Variants in PCDHA1 observed in about 807,000 individuals in gnomAD.
The protein encoded by PCDHA1 is protocadherin alpha 1.
PCDHA1 carries 42 observed loss-of-function variants against 61.3 expected under a neutral mutation model. That is an observed-to-expected ratio of 0.69 (90% CI 0.54 to 0.89). PCDHA1 has a LOEUF of 0.89. Ranked by LOEUF, PCDHA1 falls within the 40% of genes least tolerant of loss-of-function variation. The pLI is 0.00. For synonymous variants in PCDHA1, 610 were observed against 553.8 expected (o/e 1.10, Z -1.43); for missense variants, 1,256 against 1,235.3 (o/e 1.02, Z -0.25).
intron 1 of PCDHA1, among the ~76,000 whole-genome samples, chr5:140,962,643 T>G (rs1456773642): frequency 6.6e-6 from 1 of 152,222 alleles, no homozygotes; most frequent in Non-Finnish European, 1.5e-5. Context: ...GCCATCAAGT[T>G]ATGTGAAAAC....
intron 1 of PCDHA1, among the ~76,000 whole-genome samples, chr5:140,949,264 G>A (rs139292588): frequency 4.5e-4 from 69 of 151,784 alleles, no homozygotes; most frequent in Admixed American, 2.4e-3. Flanking sequence ...AACATATCAC[G>A]TGCACTTGAA....
intron 1 of PCDHA1, chr5:140,835,612 A>C (rs1226937699): frequency 1.9e-6 from 3 of 1,613,770 alleles, no homozygotes; most frequent in Non-Finnish European, 1.7e-6. Context: ...TTGGTGCTGG[A>C]CAGCGCTCTG....
At chr5:140,938,187 C>A (rs1584944424) in intron 1 of PCDHA1, among the ~76,000 whole-genome samples, 1 of 152,276 alleles carries the variant, frequency 6.6e-6, no homozygotes, top group Non-Finnish European at 1.5e-5. Context: ...CTCAAGCAAT[C>A]CTCCCACGCC....
intron 1 of PCDHA1, chr5:140,857,896 T>G: frequency 6.3e-7 from 1 of 1,597,704 alleles, no homozygotes; most frequent in Admixed American, 1.7e-5. Flanking sequence ...CGGCGGTTGG[T>G]GCACGCATCC....
chr5:140,973,549 A>G (rs1040107774), intron 1 of PCDHA1, among the ~76,000 whole-genome samples: 2 of 152,230 alleles, frequency 1.3e-5, no homozygotes, highest in Non-Finnish European at 2.9e-5. Context: ...ATTTATTTCA[A>G]TTACCTCTTT....
chr5:140,858,914 A>C, intron 1 of PCDHA1: 1 of 181,616 alleles, frequency 5.5e-6, no homozygotes, highest in Non-Finnish European at 1.1e-5. Flanking sequence ...CACAGCTTAT[A>C]CTGCCATAGT....
At chr5:140,846,436 G>A (rs191314082) in intron 1 of PCDHA1, among the ~76,000 whole-genome samples, 18 of 131,380 alleles carry the variant, frequency 1.4e-4, no homozygotes, top group African/African-American at 3.7e-4. Flanking sequence ...ATGCAGTGGC[G>A]CAATCTCGGC....
chr5:140,999,975 A>G (rs952038024), intron 3 of PCDHA1, among the ~76,000 whole-genome samples: 3 of 152,078 alleles, frequency 2.0e-5, no homozygotes, highest in African/African-American at 7.2e-5. Context: ...TAGCAGCTCT[A>G]GCGGCCTCTG....
intron 1 of PCDHA1, among the ~76,000 whole-genome samples, chr5:140,960,408 A>C (rs1006586468): frequency 6.6e-6 from 1 of 152,206 alleles, no homozygotes; most frequent in Admixed American, 6.5e-5. Flanking sequence ...GGGGGTGCCC[A>C]AAAAGTCAAC....
chr5:140,797,343 C>T (rs1554120412), intron 1 of PCDHA1: 2 of 1,613,872 alleles, frequency 1.2e-6, no homozygotes, highest in South Asian at 1.1e-5. Context: ...AATCAGAATA[C>T]GTAGGAAAGG....
chr5:140,859,385 G>C (rs1252027820), intron 1 of PCDHA1: 2 of 270,486 alleles, frequency 7.4e-6, no homozygotes, highest in African/African-American at 4.6e-5. Flanking sequence ...AGCTTCTCTA[G>C]TCATCTTAAA....
chr5:140,877,590 G>A (rs996962116), intron 1 of PCDHA1: 20 of 1,613,708 alleles, frequency 1.2e-5, no homozygotes, highest in Admixed American at 1.7e-5. Flanking sequence ...CCATCTGTGC[G>A]GTGTCCAGCC....
chr5:140,928,000 G>C, intron 1 of PCDHA1: 1 of 1,614,166 alleles, frequency 6.2e-7, no homozygotes. Flanking sequence ...TGAAGACCTC[G>C]ATTCTAATGG....
intron 1 of PCDHA1, chr5:140,851,289 A>G (rs987859417): frequency 9.6e-7 from 1 of 1,037,038 alleles, no homozygotes; most frequent in South Asian, 4.4e-5. Flanking sequence ...AAGAAACCCA[A>G]GCAAAAATAT....
At chr5:140,834,361 G>C in intron 1 of PCDHA1, 1 of 1,551,090 alleles carries the variant, frequency 6.4e-7, no homozygotes, top group Non-Finnish European at 8.7e-7. Context: ...TTGCTGACTA[G>C]AAAAACAAGC....
At chr5:140,822,534 T>C (rs2150117075) in intron 1 of PCDHA1, 3 of 1,613,922 alleles carry the variant, frequency 1.9e-6, no homozygotes, top group East Asian at 2.2e-5. Context: ...TGTTGGAAAA[T>C]GCACCAAGTG....
At position 140,822,748 on chromosome 5, in the gene PCDHA1, A is replaced by G. The variant is rs2150119092; in HGVS notation, c.2394+34064A>G. The G allele has an allele frequency of 7.4e-6, 12 of 1,613,850 alleles. No individual in the cohort carries two copies. The Admixed American group carries it at 2.0e-4, about 27-fold the overall frequency. ...AATTAATATTGATGCCATGGATAAAAGTACATTCCCATTATCAGGACACTG... is the reference window on the plus strand; with the variant it reads ...AATTAATATTGATGCCATGGATAAAGGTACATTCCCATTATCAGGACACTG... On this transcript the variant is annotated intron_variant, in intron 1 of 3. Coordinates refer to ENST00000504120, the MANE Select transcript of PCDHA1 (RefSeq NM_018900.4).
chr5:140,786,615 A>C lies in PCDHA1; in HGVS notation c.325A>C (p.Ile109Leu). ...GGAGTGCAGCATCCACCTGGAGTTG[A>C]TCGCCGACAGGCCGCTGCAGGTTTT... ...SAECSIHLEL[I>L]ADRPLQVFHV... The change falls in exon 1 of 4, where the codon ATC becomes CTC. Residue 109 changes from isoleucine to leucine, a missense_variant. By Grantham distance (5) the Ile-to-Leu change is conservative. Transcript: ENST00000504120. 1.9e-6 allele frequency: 3 copies of C among 1,614,258 alleles called. No homozygotes were observed. Among genetic ancestry groups the C allele is most frequent in the Non-Finnish European group, 1.7e-6 (2 of 1,180,042 alleles).
chr5:140,823,807 T>A (rs1767879347), intron 1 of PCDHA1: 2 of 1,613,664 alleles, frequency 1.2e-6, no homozygotes, highest in Non-Finnish European at 1.7e-6. Flanking sequence ...GCCGAAGGCC[T>A]CATCGCGGGC....
Sources: allele counts gnomAD v4.1 joint callset (sites outside exome capture counted in the v4.1 genomes callset), GRCh38; gene constraint gnomAD v4.1.1; transcripts MANE v1.5; gene names NCBI Gene and HGNC (gene_info 2026-07-23, HGNC 2026-07-21).